The following IL1RAPL2 variants were observed in gnomAD, a reference collection of about 807,000 sequenced individuals.
IL1RAPL2 encodes the protein X-linked interleukin-1 receptor accessory protein-like 2.
Under a neutral mutation model 44.1 loss-of-function variants are expected in IL1RAPL2, and 3 were observed. That is an observed-to-expected ratio of 0.07 (90% CI 0.03 to 0.18). The LOEUF (loss-of-function observed/expected upper bound fraction) is 0.18. Among genes scored for constraint, IL1RAPL2 ranks in the 10% least tolerant of loss-of-function variants. The pLI is 1.00. For synonymous variants in IL1RAPL2, 181 were observed against 178.8 expected (o/e 1.01, Z -0.10); for missense variants, 391 against 496.4 (o/e 0.79, Z 2.02).
intron 2 of IL1RAPL2, among the ~76,000 whole-genome samples, chrX:104,836,972 T>C (rs2147632445): frequency 9.0e-6 from 1 of 111,433 alleles, no homozygotes; most frequent in East Asian, 2.8e-4. Flanking sequence ...CTGCCACTTA[T>C]GAGTGAGAAC....
At chrX:105,559,602 C>T (rs1037983452) in intron 6 of IL1RAPL2, among the ~76,000 whole-genome samples, 1 of 111,874 alleles carries the variant, frequency 8.9e-6, no homozygotes, top group Non-Finnish European at 1.9e-5. Flanking sequence ...AAACAGTATT[C>T]TTATATTCAT....
At chrX:105,525,976 A>C (rs1011881937) in intron 6 of IL1RAPL2, among the ~76,000 whole-genome samples, 4 of 111,730 alleles carry the variant, frequency 3.6e-5, no homozygotes, top group Non-Finnish European at 7.6e-5. Flanking sequence ...AAGGTAGATA[A>C]TGTTTGTTAG....
intron 1 of IL1RAPL2, among the ~76,000 whole-genome samples, chrX:104,602,957 A>G (rs5916808): frequency 0.34 from 38,164 of 110,844 alleles, 5,715 homozygotes; most frequent in East Asian, 0.62. Context: ...TGGACCTCCC[A>G]GCACAGTGTT....
intron 2 of IL1RAPL2, among the ~76,000 whole-genome samples, chrX:104,800,668 C>A (rs1475314959): frequency 1.8e-5 from 2 of 112,523 alleles, no homozygotes; most frequent in African/African-American, 6.5e-5. Flanking sequence ...AAAAGACCAA[C>A]TTTTTTGATA....
intron 2 of IL1RAPL2, among the ~76,000 whole-genome samples, chrX:104,910,473 C>T (rs747353066): frequency 8.9e-6 from 1 of 111,892 alleles, no homozygotes; most frequent in Admixed American, 9.5e-5. Flanking sequence ...CACCCATCAA[C>T]CTATCATCTA....
chrX:105,190,909 G>C, intron 2 of IL1RAPL2, among the ~76,000 whole-genome samples: 1 of 112,280 alleles, frequency 8.9e-6, no homozygotes. Context: ...AGAGGAAGTA[G>C]GAGGCTTATC....
intron 2 of IL1RAPL2, among the ~76,000 whole-genome samples, chrX:104,745,077 C>T (rs1158695487): frequency 9.1e-6 from 1 of 109,432 alleles, no homozygotes. Flanking sequence ...GTCTGTCATT[C>T]CATTTTACCA....
chrX:104,587,928 C>T (rs946420290), intron 1 of IL1RAPL2, among the ~76,000 whole-genome samples: 82 of 111,752 alleles, frequency 7.3e-4, no homozygotes, highest in African/African-American at 2.5e-3. Flanking sequence ...GTTAGGTATT[C>T]ATTATGTAAC....
intron 2 of IL1RAPL2, among the ~76,000 whole-genome samples, chrX:104,717,247 G>T (rs1267850649): frequency 1.8e-5 from 2 of 110,543 alleles, no homozygotes; most frequent in Non-Finnish European, 3.8e-5. Context: ...AGGGGAACAA[G>T]ACACATTGGG....
chrX:104,870,822 GT>G (rs1365333603), intron 2 of IL1RAPL2, among the ~76,000 whole-genome samples: 1 of 111,157 alleles, frequency 9.0e-6, no homozygotes, highest in African/African-American at 3.3e-5. Flanking sequence ...CTTTTATTTT[GT>G]TTTTTGTTAT....
intron 2 of IL1RAPL2, among the ~76,000 whole-genome samples, chrX:104,739,411 C>T (rs1218588998): frequency 8.9e-6 from 1 of 112,306 alleles, no homozygotes; most frequent in Non-Finnish European, 1.9e-5. Flanking sequence ...CGTTTTATGA[C>T]ATACTGGTAC....
In IL1RAPL2 at chrX:104,645,889, C is replaced by G. The variant is rs184864393; in HGVS notation, c.-19-13006C>G. ...AAGCCTAGTCTATCACATGCATGAT[C>G]TCTCATGACAAGATGTGCCAATATG... On this transcript the variant is annotated intron_variant, in intron 1 of 10. Coordinates refer to ENST00000372582, the MANE Select transcript of IL1RAPL2 (RefSeq NM_017416.2). Among the ~76,000 whole-genome samples, 27 of 112,488 alleles carry G rather than the reference C, an allele frequency of 2.4e-4. 1 individual carries two copies. Among genetic ancestry groups the G allele is most frequent in the Admixed American group, 6.6e-4 (7 of 10,663 alleles).
At chrX:105,411,714 A>G (rs1035436499) in intron 5 of IL1RAPL2, among the ~76,000 whole-genome samples, 6 of 111,997 alleles carry the variant, frequency 5.4e-5, no homozygotes, top group Non-Finnish European at 1.1e-4. Flanking sequence ...CAAAACAATA[A>G]TAGTAGGGGA....
intron 5 of IL1RAPL2, among the ~76,000 whole-genome samples, chrX:105,299,948 C>T: frequency 9.0e-6 from 1 of 111,449 alleles, no homozygotes; most frequent in Non-Finnish European, 1.9e-5. Flanking sequence ...CTGTGTCTTG[C>T]TGACAAGGGG....
chrX:104,999,614 A>T (rs1298370122), intron 2 of IL1RAPL2, among the ~76,000 whole-genome samples: 8 of 111,821 alleles, frequency 7.2e-5, no homozygotes, highest in Non-Finnish European at 1.5e-4. Context: ...GTTGCCTGAT[A>T]TTCACTTAGT....
At chrX:105,450,075 T>C (rs1158479140) in intron 5 of IL1RAPL2, among the ~76,000 whole-genome samples, 5 of 112,107 alleles carry the variant, frequency 4.5e-5, no homozygotes, top group Non-Finnish European at 9.4e-5. Context: ...TGTTCTATTC[T>C]ACTGTTTCAT....
chrX:105,050,307 C>G (rs1474101003), intron 2 of IL1RAPL2, among the ~76,000 whole-genome samples: 1 of 112,014 alleles, frequency 8.9e-6, no homozygotes, highest in Non-Finnish European at 1.9e-5. Flanking sequence ...TTTGTCATTT[C>G]TATTGCTATT....
At chrX:105,191,938 C>CT (rs1556137467) in intron 2 of IL1RAPL2, among the ~76,000 whole-genome samples, 1 of 111,694 alleles carries the variant, frequency 9.0e-6, no homozygotes, top group African/African-American at 3.3e-5. Flanking sequence ...GCCAAGCTAT[C>CT]TAGTCAACAG....
chrX:105,620,284 C>T (rs985035000), intron 6 of IL1RAPL2, among the ~76,000 whole-genome samples: 2 of 111,132 alleles, frequency 1.8e-5, no homozygotes, highest in Non-Finnish European at 3.8e-5. Flanking sequence ...CTACTATTAT[C>T]CTGATGTCAC....
Sources: allele counts gnomAD v4.1 joint callset (sites outside exome capture counted in the v4.1 genomes callset), GRCh38; gene constraint gnomAD v4.1.1; transcripts MANE v1.5; gene names NCBI Gene and HGNC (gene_info 2026-07-23, HGNC 2026-07-21).